CYP7B1: variants seen among roughly 807,000 people sequenced by gnomAD.
The protein encoded by CYP7B1 is cytochrome P450 family 7 subfamily B member 1.
Under a neutral mutation model 42.7 loss-of-function variants are expected in CYP7B1, and 29 were observed. The observed-to-expected ratio is 0.68, with a 90% CI of 0.51 to 0.93. The LOEUF (loss-of-function observed/expected upper bound fraction) is 0.93. CYP7B1 is among the 40% of genes least tolerant of loss of function. CYP7B1 has a pLI of 0.00. For missense variants in CYP7B1, 655 were observed against 600.5 expected (o/e 1.09, Z -0.95); for synonymous variants, 235 against 218.2 (o/e 1.08, Z -0.68).
At chr8:64,735,188 G>C (rs994149387) in intron 1 of CYP7B1, among the ~76,000 whole-genome samples, 4 of 151,984 alleles carry the variant, frequency 2.6e-5, no homozygotes, top group African/African-American at 9.7e-5. Flanking sequence ...ATTTAAAAAT[G>C]GATATACAAT....
At chr8:64,705,229 TG>T (rs35742128) in intron 1 of CYP7B1, among the ~76,000 whole-genome samples, 48 of 149,988 alleles carry the variant, frequency 3.2e-4, no homozygotes, top group African/African-American at 9.5e-4. Flanking sequence ...TTCAAAAAGG[TG>T]GGGGGGGGAA....
rs57590025 is a variant in CYP7B1, at chr8:64,593,232, GGTGTGTGTGTGTGTGTGTGTGTGT to G, written c.*3386_*3409del. On this transcript the variant is annotated 3_prime_UTR_variant, in exon 6 of 6. Transcript: ENST00000310193. Reference sequence around the variant, plus strand: ...TGGTGGACTAAAGGCTAGGGCCCAGGGTGTGTGTGTGTGTGTGTGTGTGTGTGTGTGTGTGTGTGTGTGTGTGTG... The same window carrying G: ...TGGTGGACTAAAGGCTAGGGCCCAGGGTGTGTGTGTGTGTGTGTGTGTGTG... Among the ~76,000 whole-genome samples the G allele has an allele frequency of 4.1e-5, 5 of 123,454 alleles. No individual in the cohort carries two copies. In the East Asian group the frequency reaches 6.9e-4, roughly 17 times the overall value. 81.0% of individuals were successfully genotyped at this position (123,454 alleles called of 152,430 possible). A position where few individuals can be genotyped will look rare whatever the true frequency, so the allele number is the denominator to read the frequency against.
In CYP7B1 at chr8:64,731,045, A is replaced by G. The variant is rs574795997; in HGVS notation, c.122+67421T>C. ...AGTCTGCTGCCCCTTCTGCCATCAC[A>G]GTGTTTTCTGAGGCCTCTCCAGCCA... On this transcript the variant is annotated intron_variant, in intron 1 of 5. Coordinates refer to ENST00000310193, the MANE Select transcript of CYP7B1 (RefSeq NM_004820.5). Among the ~76,000 whole-genome samples the G allele has an allele frequency of 5.3e-5, 8 of 152,222 alleles. No homozygotes were observed. In the South Asian group the frequency reaches 1.7e-3, roughly 32 times the overall value.
intron 1 of CYP7B1, among the ~76,000 whole-genome samples, chr8:64,740,375 T>C (rs1211244257): frequency 6.6e-6 from 1 of 151,950 alleles, no homozygotes; most frequent in Non-Finnish European, 1.5e-5. Flanking sequence ...ATTATGTTTA[T>C]GATATAACTG....
intron 4 of CYP7B1, 119 bp from the exon 5 acceptor site, chr8:64,604,976 C>T (rs1805258395): frequency 5.9e-6 from 7 of 1,186,176 alleles, no homozygotes; most frequent in African/African-American, 1.5e-5. Context: ...GTTTCTTCAT[C>T]ACATACATTG....
intron 1 of CYP7B1, among the ~76,000 whole-genome samples, chr8:64,668,019 A>G (rs1351193776): frequency 1.3e-5 from 2 of 152,218 alleles, no homozygotes; most frequent in African/African-American, 4.8e-5. Context: ...CTTCCAAAGA[A>G]TTCTTACAGC....
chr8:64,792,833 T>C (rs903994497), intron 1 of CYP7B1, among the ~76,000 whole-genome samples: 4 of 152,272 alleles, frequency 2.6e-5, no homozygotes, highest in Admixed American at 1.3e-4. Context: ...GGGTTAAGAA[T>C]TTTGGGTCTA....
At chr8:64,701,005 G>C (rs1806908107) in intron 1 of CYP7B1, among the ~76,000 whole-genome samples, 1 of 151,992 alleles carries the variant, frequency 6.6e-6, no homozygotes, top group African/African-American at 2.4e-5. Context: ...TGTGTCCTAA[G>C]AGTAATGAAA....
intron 1 of CYP7B1, among the ~76,000 whole-genome samples, chr8:64,667,861 G>A (rs1453182550): frequency 6.6e-6 from 1 of 152,128 alleles, no homozygotes; most frequent in African/African-American, 2.4e-5. Context: ...TCTAGATATA[G>A]CATACACATA....
Position 64,766,969 on chromosome 8 carries a change from G to A in CYP7B1, c.122+31497C>T, listed in dbSNP as rs1402583080. ...ATATCTCACTATCCGAGGGGTCCTA[G>A]GACAGGCAGTCACTAGATACTTCTC... On this transcript the variant is annotated intron_variant, in intron 1 of 5. Coordinates refer to ENST00000310193, the MANE Select transcript of CYP7B1 (RefSeq NM_004820.5). Among the ~76,000 whole-genome samples the A allele has an allele frequency of 2.0e-5, 3 of 152,260 alleles. No individual in the cohort carries two copies. The East Asian group carries it at 5.8e-4, about 29-fold the overall frequency.
chr8:64,763,588 A>C (rs1161409396), intron 1 of CYP7B1, among the ~76,000 whole-genome samples: 1 of 152,220 alleles, frequency 6.6e-6, no homozygotes, highest in African/African-American at 2.4e-5. Flanking sequence ...GGTTAAAAAC[A>C]ATTAGCACGG....
At chr8:64,699,157 C>T (rs1266202945) in intron 1 of CYP7B1, among the ~76,000 whole-genome samples, 1 of 152,132 alleles carries the variant, frequency 6.6e-6, no homozygotes, top group Middle Eastern at 3.4e-3. Context: ...TGCTGATGTC[C>T]AGCACTTGTC....
chr8:64,653,416 C>T (rs1445953969), intron 1 of CYP7B1, among the ~76,000 whole-genome samples: 2 of 152,252 alleles, frequency 1.3e-5, no homozygotes, highest in East Asian at 1.9e-4. Flanking sequence ...TGGATAAATT[C>T]CTGGACACAT....
intron 1 of CYP7B1, among the ~76,000 whole-genome samples, chr8:64,627,464 T>G (rs1406601533): frequency 6.6e-6 from 1 of 152,234 alleles, no homozygotes; most frequent in Non-Finnish European, 1.5e-5. Context: ...CTTGGTCTAC[T>G]TATACTCTGT....
intron 1 of CYP7B1, among the ~76,000 whole-genome samples, chr8:64,640,535 C>T (rs954668120): frequency 2.0e-5 from 3 of 152,022 alleles, no homozygotes; most frequent in African/African-American, 4.8e-5. Flanking sequence ...TTTTCCAAGC[C>T]GAACTCTCTC....
At chr8:64,740,264 A>G (rs555114243) in intron 1 of CYP7B1, among the ~76,000 whole-genome samples, 1 of 152,206 alleles carries the variant, frequency 6.6e-6, no homozygotes, top group East Asian at 1.9e-4. Flanking sequence ...AAAATTGAAT[A>G]AAAGCTGAAA....
At chr8:64,588,893 ATATC>A (rs1167248826), downstream of CYP7B1, among the ~76,000 whole-genome samples, 2 of 152,222 alleles carry the variant, frequency 1.3e-5, no homozygotes, top group Non-Finnish European at 2.9e-5. Context: ...AGAAGAAAGG[ATATC>A]TATCTATTAA....
intron 1 of CYP7B1, among the ~76,000 whole-genome samples, chr8:64,689,077 A>G (rs1258735623): frequency 6.6e-6 from 1 of 152,244 alleles, no homozygotes; most frequent in African/African-American, 2.4e-5. Context: ...TACTTTTAAA[A>G]TTATTATTTA....
At chr8:64,740,297 AAAC>A (rs1359404397) in intron 1 of CYP7B1, among the ~76,000 whole-genome samples, 1 of 152,086 alleles carries the variant, frequency 6.6e-6, no homozygotes, top group Non-Finnish European at 1.5e-5. Flanking sequence ...TTTGCGAATT[AAAC>A]AACAAATTCC....
Sources: gnomAD v4.1 joint callset for allele counts (sites outside exome capture counted in the v4.1 genomes callset) on GRCh38, gnomAD v4.1.1 for gene constraint, MANE v1.5 for transcripts, NCBI Gene and HGNC (gene_info 2026-07-23, HGNC 2026-07-21) for gene names.